The following ADGRL3 variants were observed in gnomAD, a reference collection of about 807,000 sequenced individuals.
ADGRL3 encodes the protein adhesion G protein-coupled receptor L3, also known as calcium-independent alpha-latrotoxin receptor 3.
In ADGRL3, 62 loss-of-function variants were observed where a neutral mutation model predicts 153.5. The ratio of observed to expected loss-of-function variants is 0.40; its 90% CI spans 0.33 to 0.50. The LOEUF is 0.50. Among genes scored for constraint, ADGRL3 ranks in the 20% least tolerant of loss-of-function variants. The probability of loss-of-function intolerance (pLI) is 0.47; values close to 1 mark genes in which losing one functional copy is unlikely to be tolerated. For synonymous variants in ADGRL3, 710 were observed against 672.5 expected (o/e 1.06, Z -0.86); for missense variants, 1,641 against 1,859.4 (o/e 0.88, Z 2.16).
intron 2 of ADGRL3, among the ~76,000 whole-genome samples, chr4:61,432,642 CTTTCTTTCTTTCTTTTTTTT>C (rs2097382219): frequency 4.4e-5 from 1 of 22,944 alleles, no homozygotes; most frequent in Non-Finnish European, 9.8e-5. Context: ...TTCTTTCTTT[CTTTCTTTCTTTCTTTTTTTT>C]TTTTTTTTGA....
At chr4:61,748,541 T>G (rs1388274461) in intron 8 of ADGRL3, among the ~76,000 whole-genome samples, 1 of 152,080 alleles carries the variant, frequency 6.6e-6, no homozygotes, top group African/African-American at 2.4e-5. Flanking sequence ...ATCAGAGCCC[T>G]CAGAAATAAC....
chr4:61,297,942 T>C (rs1160493098), intron 1 of ADGRL3, among the ~76,000 whole-genome samples: 1 of 152,272 alleles, frequency 6.6e-6, no homozygotes, highest in East Asian at 1.9e-4. Context: ...GAAGCTTATA[T>C]AATACTTTAT....
chr4:61,720,364 A>G (rs2096219058), intron 6 of ADGRL3, among the ~76,000 whole-genome samples: 1 of 152,210 alleles, frequency 6.6e-6, no homozygotes, highest in Admixed American at 6.5e-5. Flanking sequence ...CTAGGATTAC[A>G]GGCGTGAGCC....
At chr4:61,447,949 G>A (rs988932432) in intron 2 of ADGRL3, among the ~76,000 whole-genome samples, 1 of 152,110 alleles carries the variant, frequency 6.6e-6, no homozygotes, top group Non-Finnish European at 1.5e-5. Flanking sequence ...ACAAAATACG[G>A]ACCTGGGCCT....
intron 9 of ADGRL3, among the ~76,000 whole-genome samples, chr4:61,872,665 A>AC (rs909256673): frequency 1.3e-5 from 2 of 151,706 alleles, no homozygotes; most frequent in Non-Finnish European, 1.5e-5. Flanking sequence ...TAAAAAAAAA[A>AC]AAAGAAAGAA....
At chr4:62,052,289 G>A (rs1489717682) in intron 25 of ADGRL3, among the ~76,000 whole-genome samples, 3 of 151,610 alleles carry the variant, frequency 2.0e-5, no homozygotes, top group African/African-American at 7.2e-5. Flanking sequence ...TTTGAAGGAA[G>A]TATTTCAAAG....
chr4:61,366,549 A>ATGCTT (rs1333776204), intron 1 of ADGRL3, among the ~76,000 whole-genome samples: 1 of 152,212 alleles, frequency 6.6e-6, no homozygotes, highest in African/African-American at 2.4e-5. Context: ...TATATAGCTC[A>ATGCTT]TGCTTTTAAG....
At chr4:62,068,981 A>C (rs1187693543) in intron 26 of ADGRL3, among the ~76,000 whole-genome samples, 2 of 152,158 alleles carry the variant, frequency 1.3e-5, no homozygotes, top group Non-Finnish European at 2.9e-5. Flanking sequence ...ATATATTAAG[A>C]AGTTTAATAG....
chr4:61,558,450 C>T (rs1278044253), intron 4 of ADGRL3, among the ~76,000 whole-genome samples: 1 of 151,538 alleles, frequency 6.6e-6, no homozygotes, highest in East Asian at 1.9e-4. Context: ...GCTTTCGGTT[C>T]CCACTGTCTT....
At chr4:61,801,362 T>C (rs999259310) in intron 8 of ADGRL3, among the ~76,000 whole-genome samples, 5 of 152,102 alleles carry the variant, frequency 3.3e-5, no homozygotes, top group African/African-American at 1.2e-4. Flanking sequence ...TGTAAAATGT[T>C]GATGATAAGA....
At chr4:61,610,219 A>G (rs2099047784) in intron 5 of ADGRL3, among the ~76,000 whole-genome samples, 1 of 151,860 alleles carries the variant, frequency 6.6e-6, no homozygotes, top group African/African-American at 2.4e-5. Flanking sequence ...TGAACATTTA[A>G]TATATAATAT....
chr4:61,537,819 G>T (rs2098666167), intron 4 of ADGRL3, among the ~76,000 whole-genome samples: 2 of 152,118 alleles, frequency 1.3e-5, no homozygotes, highest in African/African-American at 4.8e-5. Flanking sequence ...TCCAAATTCA[G>T]TGCTTGTTTC....
intron 8 of ADGRL3, among the ~76,000 whole-genome samples, chr4:61,795,944 G>T (rs551887878): frequency 6.6e-6 from 1 of 152,230 alleles, no homozygotes; most frequent in South Asian, 2.1e-4. Flanking sequence ...CCAGGTTCAA[G>T]CGATTCTCCT....
intron 11 of ADGRL3, chr4:61,906,455 A>G (rs2098696157): frequency 6.6e-6 from 1 of 152,190 alleles, no homozygotes; most frequent in Non-Finnish European, 1.5e-5. Flanking sequence ...ATCTGCCTGC[A>G]GAGTTTTATA....
chr4:61,539,614 G>A (rs1167596728), intron 4 of ADGRL3, among the ~76,000 whole-genome samples: 8 of 152,162 alleles, frequency 5.3e-5, no homozygotes, highest in Non-Finnish European at 5.9e-5. Context: ...CGCAAACAGC[G>A]TGGTGTGCAT....
chr4:61,356,052 G>A (rs2096160306), intron 1 of ADGRL3, among the ~76,000 whole-genome samples: 1 of 152,046 alleles, frequency 6.6e-6, no homozygotes, highest in African/African-American at 2.4e-5. Context: ...CACATAGAAT[G>A]CAGTATTTAC....
intron 1 of ADGRL3, among the ~76,000 whole-genome samples, chr4:61,304,203 G>GT (rs1284748599): frequency 5.9e-5 from 9 of 152,152 alleles, no homozygotes; most frequent in Non-Finnish European, 1.2e-4. Flanking sequence ...GTGTGGATTG[G>GT]TTTTCCCTTC....
intron 21 of ADGRL3, among the ~76,000 whole-genome samples, chr4:62,025,636 G>A (rs1374665213): frequency 6.6e-6 from 1 of 152,088 alleles, no homozygotes; most frequent in Admixed American, 6.6e-5. Context: ...ACATACAGAT[G>A]CGTTAGTATA....
chr4:61,453,481 A>G (rs2097698976), intron 2 of ADGRL3, among the ~76,000 whole-genome samples: 1 of 152,112 alleles, frequency 6.6e-6, no homozygotes, highest in African/African-American at 2.4e-5. Flanking sequence ...CCTCCTGTAG[A>G]TAGCTGGGAA....
Sources: gnomAD v4.1 joint callset for allele counts (sites outside exome capture counted in the v4.1 genomes callset) on GRCh38, gnomAD v4.1.1 for gene constraint, MANE v1.5 for transcripts, NCBI Gene and HGNC (gene_info 2026-07-23, HGNC 2026-07-21) for gene names.